The following MORC1 variants were observed in gnomAD, a reference collection of about 807,000 sequenced individuals.
The protein encoded by MORC1 is MORC family CW-type zinc finger 1.
Under a neutral mutation model 134.9 loss-of-function variants are expected in MORC1, and 59 were observed. That is an observed-to-expected ratio of 0.44 (90% CI 0.35 to 0.54). The LOEUF is 0.54. MORC1 is among the 20% of genes least tolerant of loss of function. The pLI is 0.00. For synonymous variants in MORC1, 395 were observed against 391.7 expected (o/e 1.01, Z -0.10); for missense variants, 947 against 1,134.5 (o/e 0.83, Z 2.37).
intron 8 of MORC1, among the ~76,000 whole-genome samples, chr3:109,073,186 C>T (rs550402867): frequency 1.5e-4 from 23 of 152,268 alleles, no homozygotes; most frequent in African/African-American, 5.5e-4. Flanking sequence ...CCAATCTGTC[C>T]ACAGTATTCT....
chr3:109,045,337 C>T (rs1001137058), intron 14 of MORC1, among the ~76,000 whole-genome samples: 2 of 139,698 alleles, frequency 1.4e-5, no homozygotes, highest in Admixed American at 1.4e-4. Context: ...TCATTTAAAG[C>T]TAATGTAACA....
At chr3:109,009,055 T>A (rs1433394697) in intron 17 of MORC1, among the ~76,000 whole-genome samples, 2 of 152,184 alleles carry the variant, frequency 1.3e-5, no homozygotes, top group Non-Finnish European at 2.9e-5. Flanking sequence ...GGCTTTTTGC[T>A]TTAATTAAAT....
At chr3:109,109,860 G>A (rs967635293) in intron 3 of MORC1, 1 of 152,344 alleles carries the variant, frequency 6.6e-6, no homozygotes, top group Non-Finnish European at 1.5e-5. Flanking sequence ...GTGAGTCCAC[G>A]TGATCCCGGG....
At chr3:108,994,689 A>G (rs537985742) in intron 21 of MORC1, among the ~76,000 whole-genome samples, 10 of 152,110 alleles carry the variant, frequency 6.6e-5, no homozygotes, top group African/African-American at 2.2e-4. Context: ...TTTTTTAAAT[A>G]AAGTCAGTAC....
At chr3:109,077,153 C>CAAA (rs1392297546) in intron 8 of MORC1, among the ~76,000 whole-genome samples, 2 of 151,982 alleles carry the variant, frequency 1.3e-5, no homozygotes, top group Non-Finnish European at 2.9e-5. Context: ...ATTTCTATAA[C>CAAA]CATTTAAACA....
In MORC1 at chr3:109,061,990, T is replaced by C. The variant is rs375445928; in HGVS notation, c.964A>G (p.Lys322Glu). Residue 322 changes from lysine (K) to glutamate (E), a missense_variant and splice_region_variant, in exon 11 of 28, where the codon AAG becomes GAG. Physicochemically the swap from Lys to Glu is moderately conservative, Grantham distance 56. Transcript: ENST00000232603. ...ACTACTCTCTTTACATGTCGTACCT[T>C]GGCAGAAGATAAAGAGGTTCTGTCA... ...QCDRTSLSSA[K>E]DVLQRALEDV... 1.9e-6 allele frequency: 3 copies of C among 1,613,718 alleles called. No homozygotes were observed. The highest frequency in any genetic ancestry group is 2.5e-6 in the Non-Finnish European group (3 of 1,179,640).
chr3:109,030,626 A>T (rs897929853), intron 16 of MORC1, among the ~76,000 whole-genome samples: 2 of 152,246 alleles, frequency 1.3e-5, no homozygotes, highest in Admixed American at 1.3e-4. Flanking sequence ...TAAGAAAATT[A>T]TAAATATAAG....
intron 21 of MORC1, among the ~76,000 whole-genome samples, chr3:108,987,218 A>T (rs1947918174): frequency 6.6e-6 from 1 of 152,172 alleles, no homozygotes. Context: ...ATTTGTGCAG[A>T]TATTTTAAAA....
chr3:108,990,132 T>A lies in MORC1; in HGVS notation c.2188-3183A>T, dbSNP rs376709076. ...ACGATTGGAGGCCTCCCCAGCCATG[T>A]GGAATCTCTTTCTTTATAAATTATC... On this transcript the variant is annotated intron_variant, in intron 21 of 27. Transcript: ENST00000232603. Among the ~76,000 whole-genome samples, 11 of 152,320 alleles carry A rather than the reference T, an allele frequency of 7.2e-5. No homozygotes were observed. The East Asian group carries it at 7.7e-4, about 11-fold the overall frequency.
intron 18 of MORC1, among the ~76,000 whole-genome samples, chr3:109,006,057 T>TA (rs1948532310): frequency 6.6e-6 from 1 of 152,220 alleles, no homozygotes; most frequent in Admixed American, 6.5e-5. Context: ...ACAGAGGACT[T>TA]ACGATGACAT....
chr3:109,015,880 T>C (rs543898994), intron 17 of MORC1, among the ~76,000 whole-genome samples: 2 of 152,232 alleles, frequency 1.3e-5, no homozygotes, highest in East Asian at 1.9e-4. Flanking sequence ...TTATCCAAAA[T>C]GCCTGGGGAC....
chr3:109,042,503 T>C (rs905836302), intron 14 of MORC1, among the ~76,000 whole-genome samples: 1 of 152,168 alleles, frequency 6.6e-6, no homozygotes, highest in Non-Finnish European at 1.5e-5. Flanking sequence ...AGTGTAGCCA[T>C]TATGAAAAAT....
rs373664666 is a variant in MORC1, at chr3:109,112,555, G to A, written c.120-1772C>T. On this transcript the variant is annotated intron_variant, in intron 2 of 27. Coordinates refer to ENST00000232603, the MANE Select transcript of MORC1 (RefSeq NM_014429.4). Reference sequence around the variant, plus strand: ...AAAGAGGGACTGAAGGGTTGAGGCTGTCCACGGGGGAAAACTGGAAATGAG... The same window carrying A: ...AAAGAGGGACTGAAGGGTTGAGGCTATCCACGGGGGAAAACTGGAAATGAG... Among the ~76,000 whole-genome samples the A allele has an allele frequency of 6.6e-5, 10 of 152,186 alleles. 1 individual carries two copies. Among genetic ancestry groups the A allele is most frequent in the Admixed American group, 5.9e-4 (9 of 15,280 alleles).
chr3:109,083,392 G>T (rs1950558225), intron 8 of MORC1, among the ~76,000 whole-genome samples: 1 of 151,182 alleles, frequency 6.6e-6, no homozygotes, highest in South Asian at 2.1e-4. Context: ...TATAATTGTG[G>T]TGTACAATCT....
intron 27 of MORC1, among the ~76,000 whole-genome samples, chr3:108,960,364 T>C (rs2107341256): frequency 6.6e-6 from 1 of 152,270 alleles, no homozygotes; most frequent in Admixed American, 6.5e-5. Flanking sequence ...TCAATGGAGA[T>C]TTTAGACAAA....
intron 12 of MORC1, among the ~76,000 whole-genome samples, chr3:109,058,348 C>G (rs1025517884): frequency 2.6e-5 from 4 of 152,024 alleles, no homozygotes; most frequent in African/African-American, 9.7e-5. Context: ...TAAATATAAG[C>G]CTGGAACAGA....
intron 17 of MORC1, among the ~76,000 whole-genome samples, chr3:109,009,645 G>A (rs891461882): frequency 6.6e-6 from 1 of 152,090 alleles, no homozygotes. Flanking sequence ...TTTTTTTAGA[G>A]AAGTTTGAAG....
chr3:109,060,555 C>G (rs146341514), intron 11 of MORC1, among the ~76,000 whole-genome samples: 1 of 152,058 alleles, frequency 6.6e-6, no homozygotes, highest in African/African-American at 2.4e-5. Context: ...GTGGGTATGT[C>G]TTTTGATGTA....
intron 14 of MORC1, among the ~76,000 whole-genome samples, chr3:109,051,938 A>AGT (rs985363746): frequency 3.9e-5 from 6 of 152,122 alleles, no homozygotes. Context: ...GACTCTCCTA[A>AGT]GTGTGACCTA....
Sources: allele counts gnomAD v4.1 joint callset (sites outside exome capture counted in the v4.1 genomes callset), GRCh38; gene constraint gnomAD v4.1.1; transcripts MANE v1.5; gene names NCBI Gene and HGNC (gene_info 2026-07-23, HGNC 2026-07-21).